Variants in DNAH14 observed in about 807,000 individuals in gnomAD.
The protein encoded by DNAH14 is dynein axonemal heavy chain 14.
DNAH14 carries 478 observed loss-of-function variants against 520.9 expected under a neutral mutation model. The observed-to-expected ratio is 0.92, with a 90% CI of 0.85 to 0.99. DNAH14 has a LOEUF of 0.99. Ranked by LOEUF, DNAH14 falls within the 50% of genes least tolerant of loss-of-function variation. The pLI is 0.00. For synonymous variants in DNAH14, 1,581 were observed against 1,757.2 expected (o/e 0.90, Z 2.51); for missense variants, 4,831 against 5,234.5 (o/e 0.92, Z 2.38).
chr1:225,045,844 A>G (rs938352201), intron 15 of DNAH14, among the ~76,000 whole-genome samples: 1 of 152,070 alleles, frequency 6.6e-6, no homozygotes, highest in Non-Finnish European at 1.5e-5. Context: ...TTGGGGTGGG[A>G]GGAGAGATTT....
intron 55 of DNAH14, among the ~76,000 whole-genome samples, chr1:225,295,061 T>C (rs2093977925): frequency 6.6e-6 from 1 of 152,182 alleles, no homozygotes; most frequent in South Asian, 2.1e-4. Context: ...CTGTTCATAA[T>C]AGTCTCTAGT....
chr1:224,943,967 T>C (rs1266067284), intron 1 of DNAH14, among the ~76,000 whole-genome samples: 1 of 152,186 alleles, frequency 6.6e-6, no homozygotes, highest in Non-Finnish European at 1.5e-5. Context: ...AGAATGTATA[T>C]TCTGTTGATT....
At chr1:225,143,410 T>C (rs1253010890) in intron 28 of DNAH14, among the ~76,000 whole-genome samples, 2 of 152,142 alleles carry the variant, frequency 1.3e-5, no homozygotes, top group Admixed American at 1.3e-4. Context: ...TTTCTTTTAT[T>C]TTTAATTAAG....
chr1:225,396,607 C>T (rs2096014536), intron 84 of DNAH14: 1 of 152,160 alleles, frequency 6.6e-6, no homozygotes, highest in Non-Finnish European at 1.5e-5. Context: ...AGAGGGAGCA[C>T]AGGGGTATGG....
intron 71 of DNAH14, among the ~76,000 whole-genome samples, chr1:225,349,999 T>A (rs1289517691): frequency 1.3e-5 from 2 of 152,106 alleles, no homozygotes; most frequent in Admixed American, 1.3e-4. Flanking sequence ...GGATATACAT[T>A]CTTCTTAAGT....
At position 224,969,665 on chromosome 1, in the gene DNAH14, C is replaced by T. The variant is rs116945589; in HGVS notation, c.767+791C>T. ...AGGGACCCCGAACGGAGGGACCGGC[C>T]GAAGCCATGGCAGAAGAACGTGGAT... On this transcript the variant is annotated intron_variant, in intron 7 of 85. Coordinates refer to ENST00000682510, the MANE Select transcript of DNAH14 (RefSeq NM_001367479.1). 4,529 of 274,612 alleles carry T rather than the reference C, an allele frequency of 0.016. 373 individuals carry two copies. In the East Asian group the frequency reaches 0.17, roughly 10 times the overall value. 17.0% of individuals were successfully genotyped at this position (274,612 alleles called of 1,614,324 possible).
chr1:225,351,830 C>T lies in DNAH14; in HGVS notation c.11480C>T (p.Pro3827Leu). The T allele has an allele frequency of 1.3e-6, 2 of 1,551,194 alleles. No homozygotes were observed. The highest frequency in any genetic ancestry group is 1.2e-5 in the South Asian group (1 of 84,006). Residue 3827 changes from proline (P) to leucine (L), a missense_variant, in exon 72 of 86, where the codon CCT becomes CTT. Coordinates refer to ENST00000682510, the MANE Select transcript of DNAH14 (RefSeq NM_001367479.1). ...GCAGTTTATTCTCTGATCAGCACAC[C>T]TTTCTCTTCAGAAAATGCTTCATTG... is the stretch of plus-strand genomic sequence containing the variant. ...SKAVYSLIST[P>L]FSSENASLEE...
At chr1:225,393,015 A>C (rs1166005863) in intron 84 of DNAH14, among the ~76,000 whole-genome samples, 7 of 152,218 alleles carry the variant, frequency 4.6e-5, no homozygotes, top group Non-Finnish European at 1.0e-4. Context: ...GAAGGGCCAC[A>C]GCTGTCATTT....
intron 11 of DNAH14, among the ~76,000 whole-genome samples, chr1:225,030,835 T>C (rs2066468944): frequency 1.3e-5 from 2 of 152,012 alleles, no homozygotes. Flanking sequence ...GTTCTTCTTT[T>C]TCAAAATTGT....
At chr1:225,335,178 T>A (rs545369641) in intron 66 of DNAH14, among the ~76,000 whole-genome samples, 2 of 139,028 alleles carry the variant, frequency 1.4e-5, no homozygotes, top group African/African-American at 5.0e-5. Flanking sequence ...TGTGTACATG[T>A]GCGCATGTGT....
chr1:225,379,830 T>G (rs1010925468), intron 79 of DNAH14, among the ~76,000 whole-genome samples: 2 of 152,180 alleles, frequency 1.3e-5, no homozygotes, highest in Non-Finnish European at 2.9e-5. Context: ...CAGCCAATTT[T>G]TATTTTTTTA....
intron 69 of DNAH14, among the ~76,000 whole-genome samples, chr1:225,345,518 T>G (rs1403496394): frequency 6.6e-6 from 1 of 152,214 alleles, no homozygotes; most frequent in Middle Eastern, 3.2e-3. Flanking sequence ...TAAATGTCAT[T>G]GGTCATGATC....
At position 225,308,463 on chromosome 1, in the gene DNAH14, C is replaced by T; in HGVS notation, c.9240+53C>T. 18 of 1,473,440 alleles carry T rather than the reference C, an allele frequency of 1.2e-5. No homozygotes were observed. In the South Asian group the frequency reaches 2.1e-4, roughly 17 times the overall value. The allele number at this position is 1,473,440 out of a possible 1,614,324, so 91.3% of individuals were successfully genotyped here. On this transcript the variant is annotated intron_variant, in intron 60 of 85. Coordinates refer to ENST00000682510, the MANE Select transcript of DNAH14 (RefSeq NM_001367479.1). Reference sequence around the variant, plus strand: ...TAATTTGGAGATTTGAAAAAGTATTCCCTAACCTTCAAATTTAAAAGTCAG... The same window carrying T: ...TAATTTGGAGATTTGAAAAAGTATTTCCTAACCTTCAAATTTAAAAGTCAG...
intron 11 of DNAH14, among the ~76,000 whole-genome samples, chr1:225,029,602 C>A (rs1158490500): frequency 1.3e-5 from 2 of 151,882 alleles, no homozygotes; most frequent in Non-Finnish European, 2.9e-5. Context: ...ACTGACCACA[C>A]AAATATATTT....
chr1:225,074,399 C>T (rs963837761), intron 17 of DNAH14, among the ~76,000 whole-genome samples: 13 of 152,130 alleles, frequency 8.5e-5, no homozygotes, highest in African/African-American at 1.7e-4. Flanking sequence ...GGAACAGATA[C>T]GGGACCTACT....
chr1:225,049,272 A>T (rs1015283287), intron 15 of DNAH14, among the ~76,000 whole-genome samples: 3 of 151,570 alleles, frequency 2.0e-5, no homozygotes, highest in African/African-American at 7.3e-5. Context: ...CATCTTGGCC[A>T]TGTTGGTCTT....
intron 64 of DNAH14, 78 bp downstream of exon 64, chr1:225,324,910 T>TGAAA: frequency 9.6e-7 from 1 of 1,045,128 alleles, no homozygotes; most frequent in Non-Finnish European, 1.4e-6. Flanking sequence ...CTTATCAGTT[T>TGAAA]CAGATAAGAT....
intron 42 of DNAH14, among the ~76,000 whole-genome samples, chr1:225,239,686 G>A (rs2149626498): frequency 6.6e-6 from 1 of 152,080 alleles, no homozygotes; most frequent in Admixed American, 6.5e-5. Context: ...TAATTTTCCT[G>A]TTCTGTAAAA....
chr1:225,307,782 C>T (rs191201146), intron 59 of DNAH14, among the ~76,000 whole-genome samples: 60 of 152,246 alleles, frequency 3.9e-4, no homozygotes, highest in Admixed American at 1.4e-3. Context: ...AAAACAGTAA[C>T]ATTATTACAT....
Sources: gnomAD v4.1 joint callset for allele counts (sites outside exome capture counted in the v4.1 genomes callset) on GRCh38, gnomAD v4.1.1 for gene constraint, MANE v1.5 for transcripts, NCBI Gene and HGNC (gene_info 2026-07-23, HGNC 2026-07-21) for gene names.